KAZN: variants seen among roughly 807,000 people sequenced by gnomAD.
KAZN encodes kazrin.
Under a neutral mutation model 87.4 loss-of-function variants are expected in KAZN, and 40 were observed. The observed-to-expected ratio is 0.46, with a 90% CI of 0.36 to 0.60. The LOEUF is 0.60. Ranked by LOEUF, KAZN falls within the 20% of genes least tolerant of loss-of-function variation. KAZN has a pLI of 0.00. For missense variants in KAZN, 898 were observed against 1,073.9 expected (o/e 0.84, Z 2.29); for synonymous variants, 466 against 458.3 (o/e 1.02, Z -0.22).
chr1:14,832,594 C>A (rs544528444), intron 1 of KAZN, among the ~76,000 whole-genome samples: 1 of 152,078 alleles, frequency 6.6e-6, no homozygotes, highest in Non-Finnish European at 1.5e-5. Context: ...CTAACACTGA[C>A]GATAGCTGAT....
rs190660361 is a variant in KAZN, at chr1:14,483,415, G to T, written c.250-115568G>T. The stretch of plus-strand genomic sequence containing the variant: ...GGGAAACCTCACTGACATAAGACAT[G>T]AATCAATCCAAGAAGGAACAAAAGG... On this transcript the variant is annotated intron_variant, in intron 2 of 16. Coordinates refer to the KAZN transcript ENST00000636203. Among the ~76,000 whole-genome samples the T allele has an allele frequency of 3.2e-3, 483 of 152,266 alleles. 13 individuals are homozygous for T. Among genetic ancestry groups the T allele is most frequent in the Admixed American group, 0.03 (451 of 15,282 alleles).
chr1:14,237,629 G>A (rs1282494089), intron 2 of KAZN, among the ~76,000 whole-genome samples: 1 of 152,058 alleles, frequency 6.6e-6, no homozygotes, highest in Non-Finnish European at 1.5e-5. Flanking sequence ...AGAATAGGTT[G>A]GTGTAATCAA....
chr1:15,014,904 C>A (rs1291382655), intron 2 of KAZN, among the ~76,000 whole-genome samples: 1 of 152,130 alleles, frequency 6.6e-6, no homozygotes, highest in Non-Finnish European at 1.5e-5. Flanking sequence ...GAGAAATAAG[C>A]CTCTGGAGGC....
chr1:15,015,579 C>T (rs886619825), intron 2 of KAZN, among the ~76,000 whole-genome samples: 2 of 152,154 alleles, frequency 1.3e-5, no homozygotes, highest in Non-Finnish European at 2.9e-5. Flanking sequence ...GCAGCTGGCA[C>T]GGTTGAGCTG....
At chr1:14,552,343 C>G (rs1421544594) in intron 2 of KAZN, among the ~76,000 whole-genome samples, 1 of 152,184 alleles carries the variant, frequency 6.6e-6, no homozygotes, top group Non-Finnish European at 1.5e-5. Context: ...CGGAGAGCGG[C>G]CCAGGCAGGA....
chr1:14,977,923 C>T (rs987489386), intron 2 of KAZN, among the ~76,000 whole-genome samples: 18 of 112,844 alleles, frequency 1.6e-4, no homozygotes, highest in South Asian at 6.2e-4. Context: ...GGTGGAGTTT[C>T]GCTCTTGTTG....
At chr1:15,042,678 C>T (rs1673040937) in intron 3 of KAZN, among the ~76,000 whole-genome samples, 1 of 152,220 alleles carries the variant, frequency 6.6e-6, no homozygotes, top group African/African-American at 2.4e-5. Flanking sequence ...CAGGTTCTCC[C>T]TCTGTCTCCA....
intron 2 of KAZN, among the ~76,000 whole-genome samples, chr1:14,248,049 G>A (rs760004279): frequency 2.0e-5 from 3 of 152,116 alleles, no homozygotes; most frequent in Non-Finnish European, 4.4e-5. Context: ...TTTCTTCCCA[G>A]GTCTAAAAGC....
intron 2 of KAZN, among the ~76,000 whole-genome samples, chr1:14,535,419 G>A (rs879727927): frequency 6.6e-6 from 1 of 152,220 alleles, no homozygotes; most frequent in Non-Finnish European, 1.5e-5. Flanking sequence ...TGTAATCCCA[G>A]CACTTTGGGA....
intron 1 of KAZN, among the ~76,000 whole-genome samples, chr1:14,913,697 C>T (rs1279115957): frequency 6.6e-6 from 1 of 152,230 alleles, no homozygotes; most frequent in African/African-American, 2.4e-5. Flanking sequence ...GCCACCAAAG[C>T]CCCTAACCTG....
chr1:14,581,704 C>T (rs961210304), intron 2 of KAZN, among the ~76,000 whole-genome samples: 3 of 152,150 alleles, frequency 2.0e-5, no homozygotes, highest in African/African-American at 4.8e-5. Context: ...CCCTTCATTC[C>T]ACTCCATGCC....
intron 1 of KAZN, among the ~76,000 whole-genome samples, chr1:14,902,437 C>A (rs1321123967): frequency 6.6e-6 from 1 of 152,006 alleles, no homozygotes; most frequent in East Asian, 1.9e-4. Context: ...ACCGTGTTAG[C>A]CAGGATGGTC....
At chr1:14,156,102 C>G (rs189257162) in intron 1 of KAZN, among the ~76,000 whole-genome samples, 224 of 152,216 alleles carry the variant, frequency 1.5e-3, no homozygotes, top group African/African-American at 5.2e-3. Context: ...ACACATTGGT[C>G]ATTCAGGACC....
At chr1:14,171,760 G>A (rs1645958846) in intron 1 of KAZN, among the ~76,000 whole-genome samples, 1 of 152,162 alleles carries the variant, frequency 6.6e-6, no homozygotes, top group South Asian at 2.1e-4. Flanking sequence ...CTATAAAAAT[G>A]TATAATAGCC....
chr1:14,783,018 A>C (rs1645403049), intron 1 of KAZN, among the ~76,000 whole-genome samples: 1 of 152,078 alleles, frequency 6.6e-6, no homozygotes, highest in Admixed American at 6.5e-5. Context: ...TAGCTTCTCG[A>C]GAGACTCAGG....
chr1:14,681,617 A>ATATATATATATATATATGTG (rs1640594869), intron 1 of KAZN, among the ~76,000 whole-genome samples: 1 of 6,830 alleles, frequency 1.5e-4, no homozygotes, highest in African/African-American at 5.0e-4. Flanking sequence ...ATATGTGTAT[A>ATATATATATATATATATGTG]TATATATATA....
intron 1 of KAZN, among the ~76,000 whole-genome samples, chr1:14,896,555 T>C (rs1441823299): frequency 6.6e-6 from 1 of 152,222 alleles, no homozygotes; most frequent in Non-Finnish European, 1.5e-5. Context: ...CTCTAACTGG[T>C]ACCCTGTCCT....
chr1:14,067,192 G>A (rs963947338), intron 1 of KAZN, among the ~76,000 whole-genome samples: 8 of 152,048 alleles, frequency 5.3e-5, no homozygotes, highest in Non-Finnish European at 1.2e-4. Context: ...TCTTGCCAAC[G>A]GCTGTCTCCC....
chr1:14,788,275 C>T (rs567273393), intron 1 of KAZN, among the ~76,000 whole-genome samples: 13 of 152,250 alleles, frequency 8.5e-5, no homozygotes, highest in African/African-American at 2.4e-4. Context: ...CAAGCTCATT[C>T]GCTCATCAAA....
Sources: allele counts gnomAD v4.1 joint callset (sites outside exome capture counted in the v4.1 genomes callset), GRCh38; gene constraint gnomAD v4.1.1; transcripts MANE v1.5; gene names NCBI Gene and HGNC (gene_info 2026-07-23, HGNC 2026-07-21).